The following CALD1 variants were observed in gnomAD, a reference collection of about 807,000 sequenced individuals.
CALD1 encodes the protein caldesmon 1.
Under a neutral mutation model 99.9 loss-of-function variants are expected in CALD1, and 33 were observed. That is an observed-to-expected ratio of 0.33 (90% CI 0.25 to 0.44). CALD1 has a LOEUF of 0.44. CALD1 is among the 20% of genes least tolerant of loss of function. The pLI, the probability that CALD1 is intolerant of heterozygous loss-of-function variation, is 1.00. For synonymous variants in CALD1, 310 were observed against 325.0 expected (o/e 0.95, Z 0.50); for missense variants, 861 against 962.1 (o/e 0.89, Z 1.39).
chr7:134,899,639 G>A (rs1351804892), intron 3 of CALD1, among the ~76,000 whole-genome samples: 1 of 34,684 alleles, frequency 2.9e-5, no homozygotes, highest in Non-Finnish European at 6.5e-5. Context: ...TTTCTTTTTT[G>A]TTTTTGTTTT....
chr7:134,826,643 A>G (rs933027000), intron 1 of CALD1, among the ~76,000 whole-genome samples: 1 of 149,912 alleles, frequency 6.7e-6, no homozygotes, highest in African/African-American at 2.4e-5. Context: ...TTTACTGATA[A>G]TATTGGTTTT....
At position 134,892,644 on chromosome 7, in the gene CALD1, G is replaced by GT. The variant is rs1308555728; in HGVS notation, c.71+24841dup. On this transcript the variant is annotated intron_variant, in intron 3 of 14. Transcript: ENST00000361675. ...CAGATCTCTTGGAGAGCTAGTTTCC[G>GT]TAAGTGTGGTTGGTTATTCACGTGG... Among the ~76,000 whole-genome samples the GT allele has an allele frequency of 8.5e-5, 13 of 152,308 alleles. 1 individual carries two copies. The South Asian group carries it at 2.5e-3, about 29-fold the overall frequency.
In CALD1 at chr7:134,933,487, C is replaced by T. The variant is rs755555285; in HGVS notation, c.718C>T (p.Gln240Ter). The change falls in exon 5 of 15, where the codon CAA (glutamine) becomes TAA (stop). Residue 240 changes from glutamine to a stop codon, truncating the protein, a stop_gained. Coordinates refer to ENST00000361675, the MANE Select transcript of CALD1 (RefSeq NM_033138.4). LOFTEE classifies it high-confidence loss of function. ...GCAGATCAGTTCAGAAGAGCCTAAACAAGAGGAGGAGAGGGAACAAGGTTC... is the reference window on the plus strand; with the variant it reads ...GCAGATCAGTTCAGAAGAGCCTAAATAAGAGGAGGAGAGGGAACAAGGTTC... ...NGQISSEEPKQEEEREQGSDE... is the reference protein window; with the variant it reads ...NGQISSEEPK 1 of 1,613,740 alleles carries T rather than the reference C, an allele frequency of 6.2e-7. No individual in the cohort carries two copies. The highest frequency in any genetic ancestry group is 8.5e-7 in the Non-Finnish European group (1 of 1,179,946).
At chr7:134,861,033 T>C (rs1017129914) in intron 2 of CALD1, among the ~76,000 whole-genome samples, 1 of 152,164 alleles carries the variant, frequency 6.6e-6, no homozygotes, top group African/African-American at 2.4e-5. Context: ...ATCAAAAAAT[T>C]AAATGAGAAC....
intron 13 of CALD1, among the ~76,000 whole-genome samples, chr7:134,964,231 G>T (rs1328206801): frequency 6.6e-6 from 1 of 152,092 alleles, no homozygotes; most frequent in Non-Finnish European, 1.5e-5. Flanking sequence ...GACTTTGTTT[G>T]GGCTGCCCGG....
In CALD1 at chr7:134,933,486, A is replaced by T. The variant is rs1435915418; in HGVS notation, c.717A>T (p.Lys239Asn). ...GGCAGATCAGTTCAGAAGAGCCTAAACAAGAGGAGGAGAGGGAACAAGGTT... is the reference window on the plus strand; with the variant it reads ...GGCAGATCAGTTCAGAAGAGCCTAATCAAGAGGAGGAGAGGGAACAAGGTT... ...KNGQISSEEP[K>N]QEEEREQGSD... Residue 239 changes from lysine to asparagine, a missense_variant, in exon 5 of 15, where the codon AAA becomes AAT. Around this residue, in one of 5 missense-constraint regions of CALD1, gnomAD observed 234 missense variants for 233.1 expected, o/e 1.00. Coordinates refer to ENST00000361675, the MANE Select transcript of CALD1 (RefSeq NM_033138.4). The T allele has an allele frequency of 6.2e-7, 1 of 1,614,088 alleles. No homozygotes were observed. The highest frequency in any genetic ancestry group is 8.5e-7 in the Non-Finnish European group (1 of 1,180,004).
chr7:134,747,298 C>T (rs1453597612), intron 1 of CALD1, among the ~76,000 whole-genome samples: 1 of 152,144 alleles, frequency 6.6e-6, no homozygotes, highest in African/African-American at 2.4e-5. Context: ...ATGATCCAGC[C>T]TCAGAGGATG....
intron 1 of CALD1, among the ~76,000 whole-genome samples, chr7:134,754,726 A>T (rs1334987379): frequency 8.3e-6 from 1 of 120,034 alleles, no homozygotes; most frequent in Admixed American, 9.2e-5. Flanking sequence ...CACCACATAT[A>T]GAGTTCATTC....
intron 1 of CALD1, among the ~76,000 whole-genome samples, chr7:134,796,156 C>T (rs113357387): frequency 0.017 from 2,604 of 152,160 alleles, 41 homozygotes; most frequent in Non-Finnish European, 0.027. Flanking sequence ...TTGTAGGAGC[C>T]CTAGACTCCA....
upstream of CALD1, among the ~76,000 whole-genome samples, chr7:134,742,714 T>C (rs1373655655): frequency 6.6e-6 from 1 of 152,202 alleles, no homozygotes; most frequent in Non-Finnish European, 1.5e-5. Flanking sequence ...GTATCGAACA[T>C]CTCAGCATAA....
At chr7:134,837,115 T>TAAG (rs10657009) in intron 1 of CALD1, among the ~76,000 whole-genome samples, 149,060 of 152,012 alleles carry the variant, frequency 0.98, 73,109 homozygotes, top group East Asian at 1. Context: ...CATAAAATTT[T>TAAG]AAGAACTCAG....
chr7:134,770,573 G>T (rs1009354468), intron 1 of CALD1, among the ~76,000 whole-genome samples: 3 of 152,088 alleles, frequency 2.0e-5, no homozygotes, highest in Non-Finnish European at 4.4e-5. Flanking sequence ...TCCGTGTCTT[G>T]TGTATCTCAA....
chr7:134,898,667 G>A (rs1802753985), intron 3 of CALD1, among the ~76,000 whole-genome samples: 1 of 151,884 alleles, frequency 6.6e-6, no homozygotes, highest in African/African-American at 2.4e-5. Context: ...TCCACCTCCT[G>A]GGTTCAAGCA....
At chr7:134,762,937 T>A (rs1796791626) in intron 1 of CALD1, among the ~76,000 whole-genome samples, 1 of 152,160 alleles carries the variant, frequency 6.6e-6, no homozygotes, top group Non-Finnish European at 1.5e-5. Flanking sequence ...AATTCATTCA[T>A]CCCATAACAT....
chr7:134,892,742 A>C (rs1334932614), intron 3 of CALD1, among the ~76,000 whole-genome samples: 1 of 152,174 alleles, frequency 6.6e-6, no homozygotes, highest in Non-Finnish European at 1.5e-5. Flanking sequence ...AATCAAATTT[A>C]ATCTTAAGGG....
At chr7:134,822,937 CT>C (rs1798839873) in intron 1 of CALD1, among the ~76,000 whole-genome samples, 1 of 152,154 alleles carries the variant, frequency 6.6e-6, no homozygotes, top group Admixed American at 6.5e-5. Flanking sequence ...TAGTTTAGTA[CT>C]TTACATGTAG....
In CALD1 at chr7:134,769,541, C is replaced by T. The variant is rs150379870; in HGVS notation, c.-130+25178C>T. ...ACCTTTGCAGTGTTCTCTAAGTGGA[C>T]TGTTTATCCTATGCCTATTTTTTAT... On this transcript the variant is annotated intron_variant, in intron 1 of 13. Transcript: ENST00000417172. 1.1e-3 allele frequency among the ~76,000 whole-genome samples: 172 copies of T among 152,150 alleles called. 1 individual carries two copies. The highest frequency in any genetic ancestry group is 3.8e-3 in the African/African-American group (158 of 41,518).
chr7:134,711,744 G>GTC, the CALD1 span, among the ~76,000 whole-genome samples: 35 of 132,510 alleles, frequency 2.6e-4, no homozygotes, highest in South Asian at 7.5e-4. Context: ...CTCTGTCTCT[G>GTC]TCTGTCTCTC....
chr7:134,811,422 G>C (rs960775107), intron 1 of CALD1, among the ~76,000 whole-genome samples: 1 of 152,174 alleles, frequency 6.6e-6, no homozygotes, highest in African/African-American at 2.4e-5. Context: ...AGGATACTCC[G>C]AAATTATCCC....
Sources: allele counts gnomAD v4.1 joint callset (sites outside exome capture counted in the v4.1 genomes callset), GRCh38; gene constraint gnomAD v4.1.1; regional missense constraint gnomAD v4.1.1; transcripts MANE v1.5; gene names NCBI Gene and HGNC (gene_info 2026-07-23, HGNC 2026-07-21).